The following ZNF704 variants were observed in gnomAD, a reference collection of about 807,000 sequenced individuals.
ZNF704 encodes the protein zinc finger protein 704.
Under a neutral mutation model 44.7 loss-of-function variants are expected in ZNF704, and 10 were observed. The observed-to-expected ratio is 0.22, with a 90% confidence interval of 0.14 to 0.38. The LOEUF (loss-of-function observed/expected upper bound fraction) is 0.38, where lower values mean the gene tolerates loss of function less well. Ranked by LOEUF, ZNF704 falls within the 10% of genes least tolerant of loss-of-function variation. The probability of loss-of-function intolerance (pLI) is 1.00; values close to 1 mark genes in which losing one functional copy is unlikely to be tolerated. For missense variants in ZNF704, 390 were observed against 545.5 expected (o/e 0.71, Z 2.84); for synonymous variants, 211 against 207.6 (o/e 1.02, Z -0.14).
chr8:80,874,208 G>C lies in ZNF704; in HGVS notation c.-22+363C>G, dbSNP rs868243485. On this transcript the variant is annotated intron_variant, in intron 1 of 8. Coordinates refer to ENST00000327835, the MANE Select transcript of ZNF704 (RefSeq NM_001033723.3). The surrounding 1 kb of genome is among the most constrained non-coding windows in gnomAD (Gnocchi z 4.4). ...CGGCTGCCACTGGCTGCAGAGGCGCGGGCGCCGCCTTCGCTGGACCGGCCG... is the reference window on the plus strand; with the variant it reads ...CGGCTGCCACTGGCTGCAGAGGCGCCGGCGCCGCCTTCGCTGGACCGGCCG... 5.5e-5 allele frequency among the ~76,000 whole-genome samples: 8 copies of C among 146,126 alleles called. No homozygotes were observed. Among genetic ancestry groups the C allele is most frequent in the South Asian group, 2.1e-4 (1 of 4,808 alleles).
At chr8:80,883,829 T>C in the ZNF704 span, among the ~76,000 whole-genome samples, 351 of 152,352 alleles carry the variant, frequency 2.3e-3, 1 homozygote, top group Non-Finnish European at 3.6e-3. Flanking sequence ...ATTAGGGTAT[T>C]TCGAGGTTTG....
At chr8:80,660,849 C>T (rs1009817615) in intron 6 of ZNF704, among the ~76,000 whole-genome samples, 1 of 152,068 alleles carries the variant, frequency 6.6e-6, no homozygotes, top group Non-Finnish European at 1.5e-5. Context: ...GAAGAAAACA[C>T]AAGAAAAACA....
chr8:80,832,300 C>G (rs1808484304), intron 1 of ZNF704, among the ~76,000 whole-genome samples: 1 of 152,016 alleles, frequency 6.6e-6, no homozygotes, highest in African/African-American at 2.4e-5. Context: ...ATGCAACTTC[C>G]TAAGACAGGG....
intron 2 of ZNF704, among the ~76,000 whole-genome samples, chr8:80,718,973 C>CT (rs998400199): frequency 6.0e-5 from 9 of 149,104 alleles, no homozygotes; most frequent in East Asian, 2.0e-4. Flanking sequence ...CATTTTTTTT[C>CT]TTTTTTTTTG....
At chr8:80,783,862 T>C (rs1201028101) in intron 2 of ZNF704, among the ~76,000 whole-genome samples, 1 of 152,090 alleles carries the variant, frequency 6.6e-6, no homozygotes, top group Non-Finnish European at 1.5e-5. Flanking sequence ...GCCTTAAAAA[T>C]CCTCTGTGTT....
intron 7 of ZNF704, among the ~76,000 whole-genome samples, chr8:80,650,545 C>G (rs1266587359): frequency 1.3e-5 from 2 of 151,944 alleles, no homozygotes; most frequent in African/African-American, 2.4e-5. Context: ...CTGATTCGAT[C>G]AAGTGGAAGA....
At chr8:80,854,709 G>A (rs569903606) in intron 1 of ZNF704, among the ~76,000 whole-genome samples, 2 of 152,270 alleles carry the variant, frequency 1.3e-5, no homozygotes, top group African/African-American at 4.8e-5. Flanking sequence ...GCAAATTGGA[G>A]CTTAGACTGG....
At chr8:80,666,916 G>T (rs1585936087) in intron 5 of ZNF704, among the ~76,000 whole-genome samples, 2 of 151,790 alleles carry the variant, frequency 1.3e-5, no homozygotes, top group African/African-American at 2.4e-5. Flanking sequence ...TTTGTAGGTT[G>T]CCTGTTCACT....
intron 2 of ZNF704, among the ~76,000 whole-genome samples, chr8:80,761,647 CAT>C (rs1189192263): frequency 3.9e-5 from 6 of 152,116 alleles, no homozygotes; most frequent in Non-Finnish European, 8.8e-5. Context: ...CATCTAAAAA[CAT>C]GATAAAATAT....
rs879102313 is a variant in ZNF704, at chr8:80,640,517, G to A, written c.*849C>T. 2 of 152,220 alleles carry A rather than the reference G, an allele frequency of 1.3e-5. No homozygotes were observed. The highest frequency in any genetic ancestry group is 6.5e-5 in the Admixed American group (1 of 15,274). 9.4% of individuals were successfully genotyped at this position (152,220 alleles called of 1,614,324 possible). A position where few individuals can be genotyped will look rare whatever the true frequency, so the allele number is the denominator to read the frequency against. On this transcript the variant is annotated 3_prime_UTR_variant, in exon 9 of 9. Coordinates refer to ENST00000327835, the MANE Select transcript of ZNF704 (RefSeq NM_001033723.3). ...GTGTCACATCCCTGAAAGAAGCATCGAGGCTTACCCAGATGGCTACAGGTG... is the reference window on the plus strand; with the variant it reads ...GTGTCACATCCCTGAAAGAAGCATCAAGGCTTACCCAGATGGCTACAGGTG...
At chr8:80,707,419 G>A (rs896812798) in intron 2 of ZNF704, among the ~76,000 whole-genome samples, 20 of 152,136 alleles carry the variant, frequency 1.3e-4, no homozygotes, top group Admixed American at 1.3e-3. Context: ...TAAAAAGAGT[G>A]TTTTGCTTTC....
chr8:80,749,495 GT>G (rs1457406788), intron 2 of ZNF704: 2 of 153,100 alleles, frequency 1.3e-5, no homozygotes, highest in African/African-American at 4.8e-5. Context: ...TACTACGGAG[GT>G]TTAGAGTGCG....
At chr8:80,790,334 G>A (rs1485905310) in intron 2 of ZNF704, among the ~76,000 whole-genome samples, 1 of 152,170 alleles carries the variant, frequency 6.6e-6, no homozygotes, top group East Asian at 1.9e-4. Context: ...TGGTTATGGG[G>A]AGGACATGGA....
At chr8:80,828,497 T>C (rs1024870060) in intron 1 of ZNF704, among the ~76,000 whole-genome samples, 2 of 152,204 alleles carry the variant, frequency 1.3e-5, no homozygotes, top group African/African-American at 4.8e-5. Context: ...TTTCAAAATA[T>C]GCACAATCAT....
intron 2 of ZNF704, among the ~76,000 whole-genome samples, chr8:80,768,121 G>C (rs1807258889): frequency 6.6e-6 from 1 of 152,120 alleles, no homozygotes; most frequent in African/African-American, 2.4e-5. Context: ...AGTGTGAGGA[G>C]AAAATACTGT....
chr8:80,666,889 C>T lies in ZNF704; in HGVS notation c.660-1807G>A, dbSNP rs376748453. ...AGCCCTTTGTCAGATGAGTAGGTTG[C>T]GAAAATTTTCTCCCATTTTGTAGGT... On this transcript the variant is annotated intron_variant, in intron 5 of 8. Coordinates refer to ENST00000327835, the MANE Select transcript of ZNF704 (RefSeq NM_001033723.3). 6.6e-5 allele frequency among the ~76,000 whole-genome samples: 10 copies of T among 151,524 alleles called. No individual in the cohort carries two copies. In the East Asian group the frequency reaches 9.7e-4, roughly 15 times the overall value.
intron 1 of ZNF704, 63 bp from the exon 2 acceptor site, chr8:80,821,678 G>A: frequency 3.2e-6 from 4 of 1,259,292 alleles, no homozygotes; most frequent in Non-Finnish European, 4.6e-6. Context: ...GACTACTGCA[G>A]ATGGCGGTGA....
intron 1 of ZNF704, among the ~76,000 whole-genome samples, chr8:80,835,321 C>T (rs1808540865): frequency 6.6e-6 from 1 of 152,290 alleles, no homozygotes; most frequent in African/African-American, 2.4e-5. Context: ...GCATGAGACA[C>T]GTCTCAATCA....
intron 4 of ZNF704, among the ~76,000 whole-genome samples, chr8:80,674,668 G>A (rs1368013863): frequency 2.6e-5 from 4 of 152,110 alleles, no homozygotes; most frequent in Non-Finnish European, 4.4e-5. Context: ...GCACCCCAAT[G>A]ACCCAAACAC....
Sources: gnomAD v4.1 joint callset for allele counts (sites outside exome capture counted in the v4.1 genomes callset) on GRCh38, gnomAD v4.1.1 for gene constraint, Gnocchi (gnomAD v3.1) non-coding constraint, MANE v1.5 for transcripts, NCBI Gene and HGNC (gene_info 2026-07-23, HGNC 2026-07-21) for gene names.